The following GNAI1 variants were observed in gnomAD, a reference collection of about 807,000 sequenced individuals.
GNAI1 encodes the protein guanine nucleotide-binding protein G(i) subunit alpha-1.
Under a neutral mutation model 38.9 loss-of-function variants are expected in GNAI1, and 11 were observed. The ratio of observed to expected loss-of-function variants is 0.28; its 90% CI spans 0.18 to 0.47. The LOEUF is 0.47. GNAI1 is among the 20% of genes least tolerant of loss of function. The probability of loss-of-function intolerance (pLI) is 0.99; values close to 1 mark genes in which losing one functional copy is unlikely to be tolerated. For missense variants in GNAI1, 317 were observed against 436.9 expected (o/e 0.73, Z 2.45); for synonymous variants, 166 against 145.1 (o/e 1.14, Z -1.04).
In GNAI1 at chr7:80,135,250, G is replaced by C. The variant is rs140693023; in HGVS notation, c.90G>C (p.Ala30=). ...ACCTCCGTGAGGACGGCGAGAAGGC[G>C]GCGCGCGAGGTCAAGCTGCTGCTGC... The part of the protein sequence containing the change: ...DRNLREDGEK[A]AREVKLLLLG... The change falls in exon 1 of 8, where the codon GCG becomes GCC. Residue 30 remains alanine (A), a synonymous_variant. Coordinates refer to ENST00000649796, the MANE Select transcript of GNAI1 (RefSeq NM_002069.6). The C allele has an allele frequency of 1.1e-5, 17 of 1,528,888 alleles. No homozygotes were observed. Among genetic ancestry groups the C allele is most frequent in the Middle Eastern group, 3.9e-4 (2 of 5,170 alleles). 94.7% of individuals were successfully genotyped at this position (1,528,888 alleles called of 1,614,324 possible). A position where few individuals can be genotyped will look rare whatever the true frequency, so the allele number is the denominator to read the frequency against.
At chr7:80,185,247 G>T (rs934883520) in intron 1 of GNAI1, among the ~76,000 whole-genome samples, 1 of 149,700 alleles carries the variant, frequency 6.7e-6, no homozygotes, top group Non-Finnish European at 1.5e-5. Context: ...TATTCAGTCT[G>T]TGCTTTGACC....
intron 1 of GNAI1, among the ~76,000 whole-genome samples, chr7:80,149,502 T>G (rs1473767600): frequency 2.0e-5 from 3 of 152,102 alleles, no homozygotes; most frequent in Non-Finnish European, 4.4e-5. Context: ...GAGCATTGAG[T>G]GTTCTTGTAA....
intron 3 of GNAI1, among the ~76,000 whole-genome samples, chr7:80,194,568 G>A (rs989719511): frequency 6.6e-6 from 1 of 152,088 alleles, no homozygotes; most frequent in Non-Finnish European, 1.5e-5. Flanking sequence ...GGAATTTTGA[G>A]GGAGTGAATT....
chr7:80,184,192 T>C (rs1299139458), intron 1 of GNAI1, among the ~76,000 whole-genome samples: 4 of 152,086 alleles, frequency 2.6e-5, no homozygotes, highest in Admixed American at 6.5e-5. Flanking sequence ...GGGCATAAGG[T>C]AGGGAGACCG....
At chr7:80,139,524 G>C (rs763277680) in intron 1 of GNAI1, among the ~76,000 whole-genome samples, 2 of 152,146 alleles carry the variant, frequency 1.3e-5, no homozygotes, top group Non-Finnish European at 2.9e-5. Context: ...TCCTACTGCT[G>C]TGGGCACTTT....
intron 1 of GNAI1, among the ~76,000 whole-genome samples, chr7:80,163,856 C>T (rs1787965228): frequency 6.6e-6 from 1 of 152,160 alleles, no homozygotes; most frequent in East Asian, 1.9e-4. Flanking sequence ...GATTACACTG[C>T]TCTAGGCCTC....
rs1346935768 is a variant in GNAI1, at chr7:80,212,770, T to G, written c.775T>G (p.Phe259Val). The part of the protein sequence containing the change: ...LFDSICNNKW[F>V]TDTSIILFLN... ...TGACAGCATATGTAACAACAAGTGG[T>G]TTACAGATACATCCATTATACTTTT... is the stretch of plus-strand genomic sequence containing the variant. Residue 259 changes from phenylalanine to valine, a missense_variant, in exon 7 of 8, where the codon TTT (phenylalanine) becomes GTT (valine). By Grantham distance (50) the Phe-to-Val change is conservative. This residue lies in a region of GNAI1 where 158 missense variants were observed against 234.7 expected (regional missense o/e 0.67). Transcript: ENST00000649796. The G allele has an allele frequency of 6.4e-7, 1 of 1,569,776 alleles. No individual in the cohort carries two copies. The highest frequency in any genetic ancestry group is 1.9e-5 in the Admixed American group (1 of 52,008).
intron 1 of GNAI1, among the ~76,000 whole-genome samples, chr7:80,186,723 A>C (rs1416799041): frequency 6.6e-6 from 1 of 152,162 alleles, no homozygotes; most frequent in Non-Finnish European, 1.5e-5. Flanking sequence ...CTGTGTACGA[A>C]TCCTGGGATC....
chr7:80,160,903 A>C (rs1787913470), intron 1 of GNAI1, among the ~76,000 whole-genome samples: 1 of 152,158 alleles, frequency 6.6e-6, no homozygotes, highest in African/African-American at 2.4e-5. Flanking sequence ...AATAGTTGGC[A>C]TTGTGTAGTA....
chr7:80,177,441 C>G (rs933876882), intron 1 of GNAI1, among the ~76,000 whole-genome samples: 1 of 152,102 alleles, frequency 6.6e-6, no homozygotes, highest in African/African-American at 2.4e-5. Flanking sequence ...CACAATGCAC[C>G]GCATTATCCA....
At chr7:80,165,879 A>G (rs1404019998) in intron 1 of GNAI1, among the ~76,000 whole-genome samples, 2 of 152,144 alleles carry the variant, frequency 1.3e-5, no homozygotes, top group African/African-American at 4.8e-5. Flanking sequence ...TTTGGACAAT[A>G]TTATCTCGTT....
chr7:80,206,215 A>G lies in GNAI1; in HGVS notation c.590+2383A>G, dbSNP rs184887060. On this transcript the variant is annotated intron_variant, in intron 5 of 7. Transcript: ENST00000649796. ...AGCTTTATTTCAATTTTTCATGGCT[A>G]CTTCTCTCCAAAAAACAAACATTGA... Among the ~76,000 whole-genome samples the G allele has an allele frequency of 1.8e-3, 281 of 152,118 alleles. 2 individuals carry two copies. Among genetic ancestry groups the G allele is most frequent in the Non-Finnish European group, 2.5e-3 (171 of 67,900 alleles).
At chr7:80,199,150 C>T in intron 3 of GNAI1, 75 bp from the exon 4 acceptor site, 1 of 1,003,340 alleles carries the variant, frequency 1.0e-6, no homozygotes, top group East Asian at 2.6e-5. Context: ...TTTTTTAACT[C>T]TAGAATTGTC....
intron 3 of GNAI1, among the ~76,000 whole-genome samples, chr7:80,191,769 A>G (rs1055538750): frequency 6.6e-6 from 1 of 152,214 alleles, no homozygotes; most frequent in East Asian, 1.9e-4. Flanking sequence ...GGATAACCAG[A>G]TACTGAATTT....
chr7:80,211,662 A>C (rs1584054875), intron 6 of GNAI1, among the ~76,000 whole-genome samples: 1 of 151,944 alleles, frequency 6.6e-6, no homozygotes, highest in African/African-American at 2.4e-5. Context: ...CAGATGAGCC[A>C]CCCATCTCGG....
intron 1 of GNAI1, among the ~76,000 whole-genome samples, chr7:80,171,075 GA>G (rs1788091345): frequency 6.6e-6 from 1 of 152,140 alleles, no homozygotes; most frequent in African/African-American, 2.4e-5. Flanking sequence ...GATTCAACTA[GA>G]AACTAAAGTA....
chr7:80,191,237 TGCAGTTGTGCTAA>T (rs1219797714), intron 3 of GNAI1, among the ~76,000 whole-genome samples: 11 of 152,148 alleles, frequency 7.2e-5, no homozygotes, highest in Admixed American at 7.2e-4. Context: ...ACTGGGCTTT[TGCAGTTGTGCTAA>T]GGAATACAAA....
Position 80,203,684 on chromosome 7 carries a change from T to C in GNAI1, c.462-20T>C. 1.3e-6 allele frequency: 2 copies of C among 1,518,392 alleles called. No homozygotes were observed. Among genetic ancestry groups the C allele is most frequent in the Non-Finnish European group, 1.8e-6 (2 of 1,105,568 alleles). 94.1% of individuals were successfully genotyped at this position (1,518,392 alleles called of 1,614,324 possible). On this transcript the variant is annotated intron_variant, in intron 4 of 7. Coordinates refer to ENST00000649796, the MANE Select transcript of GNAI1 (RefSeq NM_002069.6). ...GGCTATATTTACCATTAACATGTTG[T>C]TTTGTTTAATTTTTTTCAGCTATTT... is the stretch of plus-strand genomic sequence containing the variant.
At chr7:80,216,621 A>T (rs1230920571) in intron 7 of GNAI1, among the ~76,000 whole-genome samples, 1 of 152,134 alleles carries the variant, frequency 6.6e-6, no homozygotes, top group Admixed American at 6.6e-5. Flanking sequence ...GTCTTCAGTG[A>T]TACACAGTTC....
Sources: allele counts gnomAD v4.1 joint callset (sites outside exome capture counted in the v4.1 genomes callset), GRCh38; gene constraint gnomAD v4.1.1; regional missense constraint gnomAD v4.1.1; transcripts MANE v1.5; gene names NCBI Gene and HGNC (gene_info 2026-07-23, HGNC 2026-07-21).